SLC27A1: variants seen among roughly 807,000 people sequenced by gnomAD.
SLC27A1 encodes the protein solute carrier family 27 member 1.
Under a neutral mutation model 62.2 loss-of-function variants are expected in SLC27A1, and 61 were observed. The observed-to-expected ratio is 0.98, with a 90% CI of 0.80 to 1.21. The LOEUF is 1.21. Among genes scored for constraint, SLC27A1 ranks in the 50% most tolerant of loss-of-function variants. The pLI, the probability that SLC27A1 is intolerant of heterozygous loss-of-function variation, is 0.00. For synonymous variants in SLC27A1, 435 were observed against 408.6 expected, an observed-to-expected ratio of 1.06 and a Z score of -0.78; for missense variants, 903 against 932.1, an observed-to-expected ratio of 0.97 and a Z score of 0.41.
At chr19:17,500,653 C>G (rs201410611) in intron 9 of SLC27A1, 21 bp downstream of exon 9, 2 of 1,613,848 alleles carry the variant, frequency 1.2e-6, no homozygotes, top group Non-Finnish European at 1.7e-6. Context: ...TGCTAGGCCC[C>G]GGTGACTGGC....
At chr19:17,482,676 G>T (rs1251576121) in intron 1 of SLC27A1, among the ~76,000 whole-genome samples, 2 of 150,948 alleles carry the variant, frequency 1.3e-5, no homozygotes, top group Non-Finnish European at 3.0e-5. Flanking sequence ...AAAAAAAAAG[G>T]GTGGGGAGAG....
chr19:17,496,307 G>A (rs1302333558), intron 6 of SLC27A1: 1 of 152,170 alleles, frequency 6.6e-6, no homozygotes, highest in Non-Finnish European at 1.5e-5. Context: ...GTGGCGGGGG[G>A]GGAGTCATTC....
chr19:17,500,219 T>G lies in SLC27A1; in HGVS notation c.1207-59T>G. The G allele has an allele frequency of 1.9e-6, 3 of 1,585,884 alleles. No individual in the cohort carries two copies. The Admixed American group carries it at 5.3e-5, about 28-fold the overall frequency. ...GCCCCAGGGCAAGGCAGGCAAAGTG[T>G]TACTGAGAAGGACCCCGCATATCCC... is the stretch of plus-strand genomic sequence containing the variant. On this transcript the variant is annotated intron_variant, in intron 7 of 11. Transcript: ENST00000252595.
Position 17,500,286 on chromosome 19 carries a change from C to T in SLC27A1, c.1215C>T (p.Ser405=), listed in dbSNP as rs779577641. ...SIANMDGKVG[S]CGFNSRILPH... ...AGTTCACCCCATTCCAGGTCGGCTC[C>T]TGTGGTTTCAACAGCCGCATCCTGC... The change falls in exon 8 of 12, where the codon TCC becomes TCT. Residue 405 remains serine, a synonymous_variant. Coordinates refer to ENST00000252595, the MANE Select transcript of SLC27A1 (RefSeq NM_198580.3). 9.3e-6 allele frequency: 15 copies of T among 1,613,988 alleles called. No individual in the cohort carries two copies. The East Asian group carries it at 1.6e-4, about 17-fold the overall frequency.
chr19:17,470,562 G>T lies in SLC27A1; in HGVS notation c.22G>T (p.Ala8Ser). 1 of 1,564,658 alleles carries T rather than the reference G, an allele frequency of 6.4e-7. No individual in the cohort carries two copies. Among genetic ancestry groups the T allele is most frequent in the Non-Finnish European group, 8.6e-7 (1 of 1,164,444 alleles). Reference sequence around the variant, plus strand: ...CAGGATGCGGGCTCCGGGTGCGGGCGCGGCCTCGGTGGTCTCGCTGGCGCT... The same window carrying T: ...CAGGATGCGGGCTCCGGGTGCGGGCTCGGCCTCGGTGGTCTCGCTGGCGCT... The part of the protein sequence containing the change: MRAPGAG[A>S]ASVVSLALLW... Residue 8 changes from alanine (A) to serine (S), a missense_variant, in exon 1 of 12, where the codon GCG becomes TCG. Transcript: ENST00000252595.
chr19:17,470,335 A>G (rs1009217636), upstream of SLC27A1: 18 of 567,314 alleles, frequency 3.2e-5, no homozygotes, highest in South Asian at 2.7e-4. Context: ...AAGCCTGGAA[A>G]GGGGCGATGC....
At chr19:17,478,068 AGCT>A (rs2075141929) in intron 1 of SLC27A1, among the ~76,000 whole-genome samples, 1 of 152,120 alleles carries the variant, frequency 6.6e-6, no homozygotes, top group Admixed American at 6.6e-5. Flanking sequence ...GCCTGAAGAA[AGCT>A]GCTGTAACAC....
chr19:17,480,173 A>G (rs2144557486), intron 1 of SLC27A1, among the ~76,000 whole-genome samples: 1 of 151,114 alleles, frequency 6.6e-6, no homozygotes, highest in East Asian at 2.0e-4. Flanking sequence ...GACTGCAGGA[A>G]TGTGCCACCA....
At chr19:17,493,437 A>AAC (rs1187966954) in intron 6 of SLC27A1, among the ~76,000 whole-genome samples, 2 of 151,520 alleles carry the variant, frequency 1.3e-5, no homozygotes, top group East Asian at 3.9e-4. Context: ...CAAAAAAAAA[A>AAC]AAAAAAAAAA....
chr19:17,487,138 C>T (rs1188176460), intron 2 of SLC27A1, 36 bp from the exon 3 acceptor site: 3 of 1,613,072 alleles, frequency 1.9e-6, no homozygotes, highest in East Asian at 2.2e-5. Flanking sequence ...GGGGCCTGTC[C>T]GGCGGTGACC....
chr19:17,498,619 G>A (rs2075374956), intron 7 of SLC27A1: 1 of 223,962 alleles, frequency 4.5e-6, no homozygotes, highest in Non-Finnish European at 8.7e-6. Context: ...TAGAAATAAA[G>A]ACACAAGACA....
rs2075356118 is a variant in SLC27A1, at chr19:17,496,961, T to A, written c.997-294T>A. 3 of 318,066 alleles carry A rather than the reference T, an allele frequency of 9.4e-6. 1 individual carries two copies. The South Asian group carries it at 1.7e-4, about 18-fold the overall frequency. 19.7% of individuals were successfully genotyped at this position (318,066 alleles called of 1,614,324 possible). On this transcript the variant is annotated intron_variant, in intron 6 of 11. Coordinates refer to ENST00000252595, the MANE Select transcript of SLC27A1 (RefSeq NM_198580.3). The stretch of plus-strand genomic sequence containing the variant: ...TCACTTGAACCCAGGAGTTAGAGGC[T>A]GCAGTGAGCTGTGATCATGCCACTG...
chr19:17,469,728 TA>T (rs1321597890), upstream of SLC27A1, among the ~76,000 whole-genome samples: 9 of 150,080 alleles, frequency 6.0e-5, no homozygotes, highest in Non-Finnish European at 1.0e-4. Flanking sequence ...GCCTAGGTCC[TA>T]GGGGGGCCGG....
intron 11 of SLC27A1, among the ~76,000 whole-genome samples, chr19:17,501,784 TAG>T (rs1459360299): frequency 1.0e-5 from 1 of 97,458 alleles, no homozygotes; most frequent in Non-Finnish European, 2.0e-5. Context: ...GCCTGGGCGA[TAG>T]AGTGATACTC....
At chr19:17,473,849 C>T (rs1437751110) in intron 1 of SLC27A1, among the ~76,000 whole-genome samples, 6 of 152,196 alleles carry the variant, frequency 3.9e-5, no homozygotes, top group East Asian at 1.9e-4. Context: ...GCAACATGAG[C>T]GAAACTCCAT....
Position 17,488,949 on chromosome 19 carries a change from C to A in SLC27A1, c.886+10C>A. ...CTGTACCACTCGGCAGGTACTACGGCCTGGGTAGGGAATGGTGGGTGGGGG... is the reference window on the plus strand; with the variant it reads ...CTGTACCACTCGGCAGGTACTACGGACTGGGTAGGGAATGGTGGGTGGGGG... On this transcript the variant is annotated intron_variant, in intron 5 of 11. Coordinates refer to ENST00000252595, the MANE Select transcript of SLC27A1 (RefSeq NM_198580.3). The A allele has an allele frequency of 5.0e-6, 8 of 1,614,138 alleles. No homozygotes were observed. Among genetic ancestry groups the A allele is most frequent in the Non-Finnish European group, 6.8e-6 (8 of 1,180,004 alleles).
intron 7 of SLC27A1, chr19:17,497,812 T>TTTG (rs767459741): frequency 3.4e-6 from 1 of 295,794 alleles, no homozygotes; most frequent in East Asian, 1.2e-4. Context: ...GTGCTGTTAT[T>TTTG]TTGTTGTTGT....
chr19:17,504,561 C>A lies in SLC27A1; in HGVS notation c.1890C>A (p.Pro630=). 2 of 1,614,206 alleles carry A rather than the reference C, an allele frequency of 1.2e-6. No homozygotes were observed. The highest frequency in any genetic ancestry group is 1.7e-6 in the Non-Finnish European group (2 of 1,180,046). The change falls in exon 12 of 12, where the codon CCC becomes CCA. Residue 630 remains proline, a synonymous_variant. Transcript: ENST00000252595. The part of the protein sequence containing the change: ...FLDLKQGHYL[P]LNEAVYTRIC... Reference sequence around the variant, plus strand: ...ACCTGAAGCAGGGCCACTACCTGCCCTTAAATGAGGCAGTCTACACTCGCA... The same window carrying A: ...ACCTGAAGCAGGGCCACTACCTGCCATTAAATGAGGCAGTCTACACTCGCA...
At chr19:17,483,506 C>T (rs755037434) in intron 1 of SLC27A1, among the ~76,000 whole-genome samples, 15 of 152,032 alleles carry the variant, frequency 9.9e-5, no homozygotes, top group Non-Finnish European at 1.5e-4. Flanking sequence ...GCAGCCTGCT[C>T]ATATCCCAAA....
Sources: allele counts gnomAD v4.1 joint callset (sites outside exome capture counted in the v4.1 genomes callset), GRCh38; gene constraint gnomAD v4.1.1; transcripts MANE v1.5; gene names NCBI Gene and HGNC (gene_info 2026-07-23, HGNC 2026-07-21).